PEAK1: variants seen among roughly 807,000 people sequenced by gnomAD.
The protein encoded by PEAK1 is inactive tyrosine-protein kinase PEAK1.
A neutral mutation model predicts 124.7 loss-of-function variants in PEAK1; 54 were observed. The ratio of observed to expected loss-of-function variants is 0.43; its 90% CI spans 0.35 to 0.54. The LOEUF is 0.54. Among genes scored for constraint, PEAK1 ranks in the 20% least tolerant of loss-of-function variants. The pLI is 0.01. For missense variants in PEAK1, 2,046 were observed against 2,134.5 expected (o/e 0.96, Z 0.82); for synonymous variants, 719 against 760.0 (o/e 0.95, Z 0.89).
At chr15:77,182,113 GA>G (rs1317105666) in intron 6 of PEAK1, 73 bp from the exon 7 acceptor site, 18 of 1,246,622 alleles carry the variant, frequency 1.4e-5, no homozygotes, top group African/African-American at 1.5e-5. Context: ...TTAGTGACTT[GA>G]AAAAACTGAC....
At chr15:77,257,267 G>C (rs1441370169) in intron 5 of PEAK1, among the ~76,000 whole-genome samples, 1 of 151,502 alleles carries the variant, frequency 6.6e-6, no homozygotes, top group African/African-American at 2.4e-5. Context: ...GGGTCAAATG[G>C]TATTTCTAGT....
chr15:77,180,772 G>T lies in PEAK1; in HGVS notation c.1155C>A (p.Pro385=). ...GDSKDMKEIE[P]NYESPSSNNQ... ...TATTACTAGAGGGACTTTCATAATT[G>T]GGCTCAATTTCCTTCATGTCCTTAG... The change falls in exon 7 of 10, where the codon CCC becomes CCA. Residue 385 remains proline, a synonymous_variant. Transcript: ENST00000682557. 6.2e-7 allele frequency: 1 copy of T among 1,613,884 alleles called. No homozygotes were observed. Among genetic ancestry groups the T allele is most frequent in the Non-Finnish European group, 8.5e-7 (1 of 1,179,964 alleles).
At chr15:77,147,549 T>C (rs2054259305) in intron 8 of PEAK1, among the ~76,000 whole-genome samples, 1 of 152,196 alleles carries the variant, frequency 6.6e-6, no homozygotes, top group Non-Finnish European at 1.5e-5. Context: ...TCTGTCTATT[T>C]TGAGATAAAC....
intron 2 of PEAK1, chr15:77,348,185 A>G (rs933697207): frequency 2.0e-5 from 4 of 204,600 alleles, no homozygotes; most frequent in Non-Finnish European, 3.1e-5. Flanking sequence ...ACATGCTAAG[A>G]AAAAAAAAAA....
At chr15:77,253,437 A>C (rs2060978116) in intron 5 of PEAK1, among the ~76,000 whole-genome samples, 1 of 152,240 alleles carries the variant, frequency 6.6e-6, no homozygotes, top group Non-Finnish European at 1.5e-5. Context: ...GACAGAGGAA[A>C]AACAAAAAGC....
chr15:77,324,725 G>A (rs1477414334), intron 2 of PEAK1, among the ~76,000 whole-genome samples: 1 of 152,106 alleles, frequency 6.6e-6, no homozygotes, highest in African/African-American at 2.4e-5. Context: ...GAACGGATAG[G>A]AGGTGCCACA....
intron 2 of PEAK1, among the ~76,000 whole-genome samples, chr15:77,307,928 A>T (rs1401133726): frequency 6.6e-6 from 1 of 152,008 alleles, no homozygotes; most frequent in African/African-American, 2.4e-5. Flanking sequence ...TCAACAATTC[A>T]AGTTTAAATC....
intron 1 of PEAK1, among the ~76,000 whole-genome samples, chr15:77,394,823 G>C (rs537368223): frequency 1.3e-5 from 2 of 152,224 alleles, no homozygotes; most frequent in African/African-American, 4.8e-5. Context: ...CAATCCTGGA[G>C]AGACAGAGAT....
At position 77,342,387 on chromosome 15, in the gene PEAK1, T is replaced by A. The variant is rs140712893; in HGVS notation, c.-603+22776A>T. Among the ~76,000 whole-genome samples the A allele has an allele frequency of 1.7e-4, 26 of 150,702 alleles. No homozygotes were observed. The East Asian group carries it at 4.7e-3, about 27-fold the overall frequency. ...GACTACTTCAGATACCTCATATAAG[T>A]AGAATCATACAGCATGTCTTTTTTT... On this transcript the variant is annotated intron_variant, in intron 2 of 9. Coordinates refer to ENST00000682557, the MANE Select transcript of PEAK1 (RefSeq NM_001385026.1).
chr15:77,250,687 C>A (rs140326683), intron 6 of PEAK1, among the ~76,000 whole-genome samples: 1 of 152,106 alleles, frequency 6.6e-6, no homozygotes, highest in African/African-American at 2.4e-5. Flanking sequence ...CCTGCCTCAG[C>A]CTCCCAAAGT....
At chr15:77,268,816 G>A (rs186376944) in intron 5 of PEAK1, among the ~76,000 whole-genome samples, 15 of 152,132 alleles carry the variant, frequency 9.9e-5, no homozygotes, top group South Asian at 6.2e-4. Context: ...CACAGATTTC[G>A]CAGCAGAAAC....
intron 5 of PEAK1, among the ~76,000 whole-genome samples, chr15:77,280,801 G>C (rs1207670026): frequency 6.6e-6 from 1 of 152,076 alleles, no homozygotes; most frequent in Non-Finnish European, 1.5e-5. Context: ...TTGTTTAGAT[G>C]ATTATTAGAT....
intron 5 of PEAK1, among the ~76,000 whole-genome samples, chr15:77,269,550 GCAA>G (rs1210255497): frequency 3.3e-5 from 5 of 152,032 alleles, no homozygotes; most frequent in Admixed American, 2.6e-4. Flanking sequence ...AATTAGATAG[GCAA>G]CAACAAAATA....
intron 2 of PEAK1, chr15:77,348,861 T>C (rs1238735169): frequency 6.4e-6 from 6 of 943,832 alleles, no homozygotes; most frequent in Non-Finnish European, 7.6e-6. Flanking sequence ...AGGCTGGTCT[T>C]GAACTCCTGG....
At chr15:77,142,380 C>T (rs1039782126) in intron 8 of PEAK1, among the ~76,000 whole-genome samples, 10 of 152,170 alleles carry the variant, frequency 6.6e-5, no homozygotes, top group Non-Finnish European at 1.2e-4. Context: ...AATGGTGCCA[C>T]CATCTTGGAA....
At chr15:77,303,695 C>G (rs1255264577) in intron 2 of PEAK1, among the ~76,000 whole-genome samples, 1 of 152,154 alleles carries the variant, frequency 6.6e-6, no homozygotes, top group Non-Finnish European at 1.5e-5. Context: ...TATAGCTTGT[C>G]TTTCCATTCT....
At chr15:77,329,368 C>T (rs925595328) in intron 2 of PEAK1, among the ~76,000 whole-genome samples, 2 of 152,140 alleles carry the variant, frequency 1.3e-5, no homozygotes, top group African/African-American at 4.8e-5. Context: ...TCAAGTTAGG[C>T]TTCCAGATAA....
At chr15:77,332,222 T>A (rs549825420) in intron 2 of PEAK1, 1 of 981,878 alleles carries the variant, frequency 1.0e-6, no homozygotes, top group South Asian at 4.7e-5. Context: ...ATGTGAGTCC[T>A]TTTTTGACAA....
intron 1 of PEAK1, among the ~76,000 whole-genome samples, chr15:77,416,062 A>G (rs141002278): frequency 3.9e-5 from 6 of 152,348 alleles, no homozygotes; most frequent in Admixed American, 2.0e-4. Context: ...TAAGTGCTCT[A>G]GCTGAAGTTA....
Sources: allele counts gnomAD v4.1 joint callset (sites outside exome capture counted in the v4.1 genomes callset), GRCh38; gene constraint gnomAD v4.1.1; transcripts MANE v1.5; gene names NCBI Gene and HGNC (gene_info 2026-07-23, HGNC 2026-07-21).